Variants in THSD4 observed in about 807,000 individuals in gnomAD.
The protein encoded by THSD4 is thrombospondin type 1 domain containing 4.
Under a neutral mutation model 119.0 loss-of-function variants are expected in THSD4, and 69 were observed. The ratio of observed to expected loss-of-function variants is 0.58; its 90% CI spans 0.48 to 0.71. The LOEUF is 0.71. Ranked by LOEUF, THSD4 falls within the 30% of genes least tolerant of loss-of-function variation. The pLI, the probability that THSD4 is intolerant of heterozygous loss-of-function variation, is 0.00. For synonymous variants in THSD4, 524 were observed against 540.4 expected, an observed-to-expected ratio of 0.97 and a Z score of 0.42; for missense variants, 1,393 against 1,391.1, an observed-to-expected ratio of 1.00 and a Z score of -0.02.
intron 3 of THSD4, among the ~76,000 whole-genome samples, chr15:71,199,812 G>GCTGTGTGTGTT (rs1412141356): frequency 6.9e-6 from 1 of 145,166 alleles, no homozygotes; most frequent in East Asian, 2.0e-4. Flanking sequence ...CTGTGTGTGT[G>GCTGTGTGTGTT]TGATGCACGT....
At chr15:71,522,742 A>ACACCTCTGTGTCTCTAG (rs1242762737) in intron 7 of THSD4, among the ~76,000 whole-genome samples, 7 of 152,220 alleles carry the variant, frequency 4.6e-5, no homozygotes, top group African/African-American at 1.7e-4. Context: ...AGATGATTTA[A>ACACCTCTGTGTCTCTAG]CACCTCTGTG....
intron 7 of THSD4, among the ~76,000 whole-genome samples, chr15:71,521,480 G>A (rs549066489): frequency 2.6e-5 from 4 of 152,166 alleles, no homozygotes; most frequent in South Asian, 2.1e-4. Flanking sequence ...GTGGATGATC[G>A]GATCTCAGTT....
chr15:71,370,147 A>C (rs1282205895), intron 6 of THSD4, among the ~76,000 whole-genome samples: 1 of 151,494 alleles, frequency 6.6e-6, no homozygotes, highest in Non-Finnish European at 1.5e-5. Flanking sequence ...ATCATTTTTC[A>C]TTGTGTCTAT....
chr15:71,515,724 A>T (rs976608276), intron 7 of THSD4, among the ~76,000 whole-genome samples: 7 of 152,082 alleles, frequency 4.6e-5, no homozygotes, highest in Admixed American at 6.5e-5. Context: ...TCAGAATTCG[A>T]TGTTCTTTGT....
At position 71,471,731 on chromosome 15, in the gene THSD4, G is replaced by T. The variant is rs147741171; in HGVS notation, c.1152+59908G>T. 2.0e-3 allele frequency among the ~76,000 whole-genome samples: 305 copies of T among 151,518 alleles called. 4 individuals carry two copies. The highest frequency in any genetic ancestry group is 7.1e-3 in the African/African-American group (293 of 41,246). On this transcript the variant is annotated intron_variant, in intron 7 of 17. Coordinates refer to ENST00000261862, the MANE Select transcript of THSD4 (RefSeq NM_024817.3). ...TCCTGTTTCCTTATCTATCAAGTGGGGGTCATAAAACCTTCCTTACTGGGT... is the reference window on the plus strand; with the variant it reads ...TCCTGTTTCCTTATCTATCAAGTGGTGGTCATAAAACCTTCCTTACTGGGT...
At chr15:71,669,056 C>T (rs981530039) in intron 8 of THSD4, among the ~76,000 whole-genome samples, 3 of 152,180 alleles carry the variant, frequency 2.0e-5, no homozygotes, top group Admixed American at 6.5e-5. Context: ...ATGGAATGCA[C>T]ACTTAAAATT....
At chr15:71,287,157 T>G (rs2044728822) in intron 6 of THSD4, among the ~76,000 whole-genome samples, 1 of 152,206 alleles carries the variant, frequency 6.6e-6, no homozygotes, top group South Asian at 2.1e-4. Flanking sequence ...TGTGACTGCC[T>G]GGAAGATATG....
intron 6 of THSD4, among the ~76,000 whole-genome samples, chr15:71,260,956 C>T (rs981233128): frequency 6.6e-6 from 1 of 152,052 alleles, no homozygotes; most frequent in African/African-American, 2.4e-5. Context: ...GAAAAAATTA[C>T]CTGGGTTTGG....
rs71154759 is a variant in THSD4 at position 71,326,700 on chromosome 15, AATATAT to A, written c.1015+70006_1015+70011del. Among the ~76,000 whole-genome samples the A allele has an allele frequency of 8.1e-3, 52 of 6,456 alleles. 5 individuals carry two copies. Among genetic ancestry groups the A allele is most frequent in the East Asian group, 0.034 (5 of 148 alleles). 4.2% of individuals were successfully genotyped at this position (6,456 alleles called of 152,430 possible). The stretch of plus-strand genomic sequence containing the variant: ...AAAAAAAAAAAAAAAAAAAAAAAAA[AATATAT>A]ATATATATATATATATATATTAGCT... On this transcript the variant is annotated intron_variant, in intron 6 of 17. Coordinates refer to ENST00000261862, the MANE Select transcript of THSD4 (RefSeq NM_024817.3).
intron 8 of THSD4, among the ~76,000 whole-genome samples, chr15:71,681,320 A>G (rs1652634106): frequency 6.6e-6 from 1 of 152,164 alleles, no homozygotes; most frequent in East Asian, 1.9e-4. Flanking sequence ...GACAATAAAT[A>G]CCTTTCCAAA....
intron 1 of THSD4, among the ~76,000 whole-genome samples, chr15:71,120,729 G>T (rs1400170795): frequency 6.6e-6 from 1 of 152,250 alleles, no homozygotes; most frequent in African/African-American, 2.4e-5. Context: ...GCTCCAGGTG[G>T]GCTTGGAATG....
rs549120516 is a variant in THSD4 at position 71,307,977 on chromosome 15, C to A, written c.1015+51262C>A. 5.3e-5 allele frequency among the ~76,000 whole-genome samples: 8 copies of A among 152,278 alleles called. No individual in the cohort carries two copies. The East Asian group carries it at 1.5e-3, about 29-fold the overall frequency. ...ATGTGTGATGATACATGCTTCCCCA[C>A]CAGGGAAGCATGCCAGAGCCTTGGT... is the stretch of plus-strand genomic sequence containing the variant. On this transcript the variant is annotated intron_variant, in intron 6 of 17. Transcript: ENST00000261862.
chr15:71,291,220 G>T (rs2044787698), intron 6 of THSD4, among the ~76,000 whole-genome samples: 1 of 152,106 alleles, frequency 6.6e-6, no homozygotes, highest in Non-Finnish European at 1.5e-5. Flanking sequence ...GTTCACTACA[G>T]TTCTTTCATA....
At chr15:71,714,870 C>T (rs964192605) in intron 8 of THSD4, among the ~76,000 whole-genome samples, 2 of 152,108 alleles carry the variant, frequency 1.3e-5, no homozygotes, top group East Asian at 3.8e-4. Flanking sequence ...CGTGTACCCC[C>T]AATCCTAAAA....
At chr15:71,411,931 CAG>C (rs1365290175) in intron 7 of THSD4, 108 bp downstream of exon 7, 2 of 1,438,632 alleles carry the variant, frequency 1.4e-6, no homozygotes, top group Non-Finnish European at 1.9e-6. Context: ...CAGCCCACGT[CAG>C]GGCCACTCAA....
At chr15:71,278,450 A>G (rs970652359) in intron 6 of THSD4, among the ~76,000 whole-genome samples, 2 of 152,150 alleles carry the variant, frequency 1.3e-5, no homozygotes, top group African/African-American at 4.8e-5. Context: ...CTGCCCCGAT[A>G]CAGATTTTTA....
chr15:71,365,164 T>TGTGTGTGTGTGTGTGG (rs2045943895), intron 6 of THSD4, among the ~76,000 whole-genome samples: 2 of 150,676 alleles, frequency 1.3e-5, no homozygotes, highest in Non-Finnish European at 3.0e-5. Flanking sequence ...TGTGTGTGTG[T>TGTGTGTGTGTGTGTGG]GTATGAGAGA....
intron 6 of THSD4, among the ~76,000 whole-genome samples, chr15:71,261,565 T>A (rs1189769022): frequency 5.9e-5 from 9 of 152,174 alleles, no homozygotes; most frequent in Non-Finnish European, 8.8e-5. Flanking sequence ...TGGATCCTGT[T>A]CCCATCCCTG....
intron 3 of THSD4, among the ~76,000 whole-genome samples, chr15:71,160,707 A>G (rs2043241607): frequency 6.7e-6 from 1 of 149,364 alleles, no homozygotes; most frequent in African/African-American, 2.5e-5. Flanking sequence ...TTCTTAGTGT[A>G]CCTAAGGTTT....
Sources: gnomAD v4.1 joint callset for allele counts (sites outside exome capture counted in the v4.1 genomes callset) on GRCh38, gnomAD v4.1.1 for gene constraint, MANE v1.5 for transcripts, NCBI Gene and HGNC (gene_info 2026-07-23, HGNC 2026-07-21) for gene names.